The following NXN variants were observed in gnomAD, a reference collection of about 807,000 sequenced individuals.
NXN encodes nucleoredoxin 1.
A neutral mutation model predicts 48.6 loss-of-function variants in NXN; 16 were observed. The observed-to-expected ratio is 0.33, with a 90% CI of 0.22 to 0.50. The LOEUF (loss-of-function observed/expected upper bound fraction) is 0.50, where lower values mean the gene tolerates loss of function less well. Ranked by LOEUF, NXN falls within the 20% of genes least tolerant of loss-of-function variation. The probability of loss-of-function intolerance (pLI) is 0.98; values close to 1 mark genes in which losing one functional copy is unlikely to be tolerated. For synonymous variants in NXN, 281 were observed against 269.6 expected (o/e 1.04, Z -0.41); for missense variants, 492 against 605.5 (o/e 0.81, Z 1.97).
At chr17:850,697 C>T (rs147243766) in intron 1 of NXN, among the ~76,000 whole-genome samples, 2 of 152,328 alleles carry the variant, frequency 1.3e-5, no homozygotes, top group East Asian at 3.9e-4. Context: ...CTTCTGCAGA[C>T]AAGATGAATG....
chr17:827,527 G>A (rs1319850302), intron 1 of NXN, among the ~76,000 whole-genome samples: 1 of 152,216 alleles, frequency 6.6e-6, no homozygotes, highest in East Asian at 1.9e-4. Context: ...GGAGGCTGAG[G>A]CAGGAGAATG....
intron 1 of NXN, among the ~76,000 whole-genome samples, chr17:856,529 C>T (rs1055093058): frequency 2.8e-5 from 4 of 142,120 alleles, no homozygotes; most frequent in African/African-American, 7.8e-5. Flanking sequence ...CTTGCTCTGT[C>T]GCCCAGGCTG....
intron 1 of NXN, among the ~76,000 whole-genome samples, chr17:937,532 G>A (rs1165909673): frequency 6.6e-6 from 1 of 152,156 alleles, no homozygotes; most frequent in Non-Finnish European, 1.5e-5. Flanking sequence ...CTCCGTCATC[G>A]AGAGGAACGC....
intron 1 of NXN, among the ~76,000 whole-genome samples, chr17:915,759 C>T (rs1429148592): frequency 9.7e-6 from 1 of 103,350 alleles, no homozygotes; most frequent in Non-Finnish European, 1.9e-5. Context: ...AATGCCTGAC[C>T]ACTTATGGGG....
At chr17:854,617 T>C (rs1157724133) in intron 1 of NXN, among the ~76,000 whole-genome samples, 1 of 136,702 alleles carries the variant, frequency 7.3e-6, no homozygotes, top group Non-Finnish European at 1.5e-5. Flanking sequence ...ATTGCACCAC[T>C]GCACTCCAGC....
intron 1 of NXN, among the ~76,000 whole-genome samples, chr17:939,542 C>T (rs553591195): frequency 2.6e-5 from 4 of 152,102 alleles, no homozygotes; most frequent in African/African-American, 7.2e-5. Context: ...GATGGGGTTT[C>T]ACCATGTTGG....
intron 1 of NXN, among the ~76,000 whole-genome samples, chr17:853,596 C>A (rs1423314707): frequency 6.6e-6 from 1 of 151,622 alleles, no homozygotes; most frequent in African/African-American, 2.4e-5. Flanking sequence ...TTCGGGGGAG[C>A]CTTCTCTGCC....
At chr17:808,733 G>C (rs1289406893) in intron 5 of NXN, among the ~76,000 whole-genome samples, 1 of 140,974 alleles carries the variant, frequency 7.1e-6, no homozygotes, top group Non-Finnish European at 1.5e-5. Context: ...GGAATGCAAT[G>C]GTGCGATCTC....
intron 1 of NXN, among the ~76,000 whole-genome samples, chr17:877,291 C>A (rs576186890): frequency 1.3e-5 from 2 of 151,716 alleles, no homozygotes; most frequent in Admixed American, 6.6e-5. Context: ...AGACTACTGG[C>A]GCCCGCCACC....
At position 956,848 on chromosome 17, in the gene NXN, G is replaced by A. The variant is rs971000119; in HGVS notation, c.360+22471C>T. Among the ~76,000 whole-genome samples the A allele has an allele frequency of 2.6e-5, 4 of 152,166 alleles. No individual in the cohort carries two copies. Among genetic ancestry groups the A allele is most frequent in the African/African-American group, 4.8e-5 (2 of 41,438 alleles). On this transcript the variant is annotated intron_variant, in intron 1 of 7. Coordinates refer to ENST00000336868, the MANE Select transcript of NXN (RefSeq NM_022463.5). The surrounding 1 kb of genome is among the most constrained non-coding windows in gnomAD (Gnocchi z 4.1). ...GCCCAAGATCTCAAAGCTGGAGAGC[G>A]GGAAAGATGGATCAGAACCAGGTCA...
Position 951,174 on chromosome 17 carries a change from T to TAAAAAAA in NXN, c.360+28144_360+28145insTTTTTTT, listed in dbSNP as rs1567516128. On this transcript the variant is annotated intron_variant, in intron 1 of 7. Transcript: ENST00000336868. ...CAACATGGTGAAACCCTGTCTCTACTTAAAAAAAAAAAAAAAAAAAAAAAA... is the reference window on the plus strand; with the variant it reads ...CAACATGGTGAAACCCTGTCTCTACTAAAAAAATAAAAAAAAAAAAAAAAAAAAAAAA... Among the ~76,000 whole-genome samples the TAAAAAAA allele has an allele frequency of 6.8e-4, 46 of 67,530 alleles. 17 individuals carry two copies. Among genetic ancestry groups the TAAAAAAA allele is most frequent in the African/African-American group, 1.3e-3 (19 of 15,130 alleles). The allele number at this position is 67,530 out of a possible 152,430, so 44.3% of individuals were successfully genotyped here.
At chr17:974,275 C>G (rs531718891) in intron 1 of NXN, among the ~76,000 whole-genome samples, 5 of 151,850 alleles carry the variant, frequency 3.3e-5, no homozygotes, top group African/African-American at 1.2e-4. Context: ...GGCGTGAACC[C>G]GGGAGGCGGA....
At chr17:805,803 A>C (rs141408578) in intron 5 of NXN, among the ~76,000 whole-genome samples, 2 of 152,122 alleles carry the variant, frequency 1.3e-5, no homozygotes, top group Admixed American at 6.5e-5. Context: ...GCACCACTGC[A>C]CTCCAGCCTG....
intron 1 of NXN, among the ~76,000 whole-genome samples, chr17:881,361 G>A (rs907723268): frequency 4.6e-5 from 7 of 152,078 alleles, no homozygotes; most frequent in South Asian, 2.1e-4. Context: ...CCAGCTTCCC[G>A]GGTAGCTGGG....
intron 1 of NXN, among the ~76,000 whole-genome samples, chr17:931,605 G>A (rs1269496012): frequency 6.6e-6 from 1 of 151,514 alleles, no homozygotes; most frequent in Non-Finnish European, 1.5e-5. Flanking sequence ...GGGAGGCCGA[G>A]GTGGGCGGAT....
At chr17:856,793 C>T (rs2067991068) in intron 1 of NXN, among the ~76,000 whole-genome samples, 2 of 152,186 alleles carry the variant, frequency 1.3e-5, no homozygotes, top group South Asian at 4.1e-4. Context: ...CTACTGTTCA[C>T]ATTTCTACCA....
chr17:854,641 C>T (rs190877312), intron 1 of NXN, among the ~76,000 whole-genome samples: 1,644 of 110,022 alleles, frequency 0.015, 30 homozygotes, highest in African/African-American at 0.053. Context: ...GGCGACAGAG[C>T]GAGACTCTGT....
rs1177959902 is a variant in NXN, at chr17:808,874, A to G, written c.821-3627T>C. ...AATTTTTTAGTAGAGACGGGGTTTC[A>G]CCATGTTGGCCAAGCTGGTCTCAAA... On this transcript the variant is annotated intron_variant, in intron 5 of 7. Coordinates refer to ENST00000336868, the MANE Select transcript of NXN (RefSeq NM_022463.5). Among the ~76,000 whole-genome samples, 4 of 148,448 alleles carry G rather than the reference A, an allele frequency of 2.7e-5. No homozygotes were observed. In the South Asian group the frequency reaches 6.5e-4, roughly 24 times the overall value.
chr17:804,999 T>TG (rs1911406741), intron 6 of NXN, 69 bp downstream of exon 6: 4 of 1,488,442 alleles, frequency 2.7e-6, no homozygotes, highest in Non-Finnish European at 1.8e-6. Flanking sequence ...GACAGGCTCC[T>TG]CCCAAGTGAG....
Sources: gnomAD v4.1 joint callset for allele counts (sites outside exome capture counted in the v4.1 genomes callset) on GRCh38, gnomAD v4.1.1 for gene constraint, Gnocchi (gnomAD v3.1) non-coding constraint, MANE v1.5 for transcripts, NCBI Gene and HGNC (gene_info 2026-07-23, HGNC 2026-07-21) for gene names.